Variants in RIMS2 observed in about 807,000 individuals in gnomAD.
The protein encoded by RIMS2 is regulating synaptic membrane exocytosis protein 2.
A neutral mutation model predicts 174.4 loss-of-function variants in RIMS2; 59 were observed. That is an observed-to-expected ratio of 0.34 (90% CI 0.27 to 0.42). The LOEUF (loss-of-function observed/expected upper bound fraction) is 0.42. Ranked by LOEUF, RIMS2 falls within the 10% of genes least tolerant of loss-of-function variation. RIMS2 has a pLI of 1.00. For synonymous variants in RIMS2, 606 were observed against 572.5 expected (o/e 1.06, Z -0.84); for missense variants, 1,620 against 1,666.3 (o/e 0.97, Z 0.48).
chr8:104,177,587 C>T lies in RIMS2; in HGVS notation c.3335-67329C>T, dbSNP rs565319177. Among the ~76,000 whole-genome samples the T allele has an allele frequency of 2.5e-3, 384 of 152,120 alleles. 2 individuals are homozygous for T. The highest frequency in any genetic ancestry group is 4.0e-3 in the Non-Finnish European group (271 of 67,962). Reference sequence around the variant, plus strand: ...ACGCTTAAATGTGATCTCTTCAAATCGATCACATAGGCAAAGAAGGAATAA... The same window carrying T: ...ACGCTTAAATGTGATCTCTTCAAATTGATCACATAGGCAAAGAAGGAATAA... On this transcript the variant is annotated intron_variant, in intron 19 of 23. Coordinates refer to ENST00000504942, the Ensembl canonical transcript of RIMS2.
chr8:103,512,784 T>C (rs989718640), intron 1 of RIMS2, among the ~76,000 whole-genome samples: 2 of 152,150 alleles, frequency 1.3e-5, no homozygotes, highest in African/African-American at 4.8e-5. Flanking sequence ...TACAATTTTG[T>C]CTTATTTGCT....
At chr8:104,122,467 A>T (rs1335073692) in intron 19 of RIMS2, among the ~76,000 whole-genome samples, 1 of 152,174 alleles carries the variant, frequency 6.6e-6, no homozygotes. Flanking sequence ...TGACCTGAAC[A>T]TAGGAAGCAA....
chr8:103,540,844 C>G (rs1208443701), intron 1 of RIMS2, among the ~76,000 whole-genome samples: 1 of 151,808 alleles, frequency 6.6e-6, no homozygotes, highest in Non-Finnish European at 1.5e-5. Flanking sequence ...AAAAGAAAAT[C>G]TGGAGGAGAA....
intron 1 of RIMS2, among the ~76,000 whole-genome samples, chr8:103,630,145 CAA>C (rs56238550): frequency 0.31 from 38,028 of 122,286 alleles, 5,202 homozygotes; most frequent in African/African-American, 0.41. Context: ...AAACTGAAGA[CAA>C]AAAAAAAAAA....
chr8:103,578,621 C>A (rs1281639441), intron 1 of RIMS2, among the ~76,000 whole-genome samples: 1 of 152,132 alleles, frequency 6.6e-6, no homozygotes, highest in African/African-American at 2.4e-5. Flanking sequence ...TGGCAACAGA[C>A]TTTTCAGTGG....
At chr8:103,992,274 A>ATTTTTTTTTTTTTTTTTTTTT (rs1186537194) in intron 17 of RIMS2, among the ~76,000 whole-genome samples, 2 of 107,106 alleles carry the variant, frequency 1.9e-5, no homozygotes, top group Non-Finnish European at 3.6e-5. Context: ...ATGTCCAGCT[A>ATTTTTTTTTTTTTTTTTTTTT]TTTTTTTTTT....
At chr8:103,923,957 C>T (rs2078231452) in intron 10 of RIMS2, among the ~76,000 whole-genome samples, 1 of 151,580 alleles carries the variant, frequency 6.6e-6, no homozygotes, top group Non-Finnish European at 1.5e-5. Flanking sequence ...TTTTTCCTGT[C>T]CTTAAAAATT....
chr8:104,210,850 A>T (rs1264760460), intron 19 of RIMS2, among the ~76,000 whole-genome samples: 1 of 152,222 alleles, frequency 6.6e-6, no homozygotes, highest in African/African-American at 2.4e-5. Flanking sequence ...TTAAATAAGG[A>T]GCTCAGTTCA....
At chr8:103,894,441 A>G (rs923380248) in intron 4 of RIMS2, among the ~76,000 whole-genome samples, 1 of 151,678 alleles carries the variant, frequency 6.6e-6, no homozygotes, top group African/African-American at 2.4e-5. Context: ...ACTAATCTGC[A>G]GTATAATAAA....
intron 17 of RIMS2, among the ~76,000 whole-genome samples, chr8:104,000,294 A>G (rs183124167): frequency 4.5e-4 from 68 of 151,922 alleles, no homozygotes; most frequent in African/African-American, 1.5e-3. Context: ...GAGTGGAAAC[A>G]TGCAATATTT....
At chr8:103,504,846 CTTTT>C (rs11367763) in intron 1 of RIMS2, among the ~76,000 whole-genome samples, 5 of 95,092 alleles carry the variant, frequency 5.3e-5, no homozygotes, top group Non-Finnish European at 7.9e-5. Context: ...TTCTTTCTTT[CTTTT>C]TTTTTTTTTT....
intron 14 of RIMS2, among the ~76,000 whole-genome samples, chr8:103,958,585 G>T (rs1170876907): frequency 6.6e-6 from 1 of 151,928 alleles, no homozygotes; most frequent in Non-Finnish European, 1.5e-5. Context: ...AAATGAGCTT[G>T]AAAAAATGCT....
In RIMS2 at chr8:103,875,326, T is replaced by C. The variant is rs141626968; in HGVS notation, c.699-9972T>C. ...CATTATACACTCCGTTTTATACCCA[T>C]GGCTTAGCTCCCACTTATGAGTAAG... is the stretch of plus-strand genomic sequence containing the variant. On this transcript the variant is annotated intron_variant, in intron 3 of 23. Transcript: ENST00000504942. 3.7e-3 allele frequency among the ~76,000 whole-genome samples: 570 copies of C among 152,082 alleles called. 3 individuals are homozygous for C. The highest frequency in any genetic ancestry group is 0.011 in the African/African-American group (462 of 41,528).
intron 1 of RIMS2, among the ~76,000 whole-genome samples, chr8:103,506,950 T>G (rs772293586): frequency 6.6e-6 from 1 of 152,154 alleles, no homozygotes; most frequent in Non-Finnish European, 1.5e-5. Flanking sequence ...TGAGGGGACT[T>G]ACTTGTGGAA....
At chr8:103,778,946 T>C (rs1327544670) in intron 3 of RIMS2, among the ~76,000 whole-genome samples, 1 of 152,188 alleles carries the variant, frequency 6.6e-6, no homozygotes. Flanking sequence ...TCATTTTAAC[T>C]GGGGTGAGAA....
intron 3 of RIMS2, among the ~76,000 whole-genome samples, chr8:103,869,859 C>A (rs1311743866): frequency 6.6e-6 from 1 of 152,072 alleles, no homozygotes; most frequent in Non-Finnish European, 1.5e-5. Context: ...ATAAACAGAA[C>A]AGTGGTAGAG....
At chr8:103,859,925 A>G (rs1038226249) in intron 3 of RIMS2, among the ~76,000 whole-genome samples, 24 of 152,088 alleles carry the variant, frequency 1.6e-4, no homozygotes, top group Non-Finnish European at 2.8e-4. Context: ...CTCAGTGGAC[A>G]GACTCTATCA....
chr8:103,843,690 T>A (rs950122875), intron 3 of RIMS2, among the ~76,000 whole-genome samples: 2 of 152,202 alleles, frequency 1.3e-5, no homozygotes, highest in Admixed American at 1.3e-4. Flanking sequence ...TACTTTATCA[T>A]AACTATGGTG....
intron 2 of RIMS2, among the ~76,000 whole-genome samples, chr8:103,737,984 T>G (rs1403793200): frequency 2.0e-5 from 3 of 152,210 alleles, no homozygotes; most frequent in Non-Finnish European, 4.4e-5. Flanking sequence ...ATTGTGTATC[T>G]TCTCCACTAG....
Sources: gnomAD v4.1 joint callset for allele counts (sites outside exome capture counted in the v4.1 genomes callset) on GRCh38, gnomAD v4.1.1 for gene constraint, MANE v1.5 for transcripts, NCBI Gene and HGNC (gene_info 2026-07-23, HGNC 2026-07-21) for gene names.